Variants in KIR3DL1 observed in about 807,000 individuals in gnomAD.
The protein encoded by KIR3DL1 is killer cell immunoglobulin-like receptor 3DL1.
Under a neutral mutation model 40.3 loss-of-function variants are expected in KIR3DL1, and 50 were observed. The observed-to-expected ratio is 1.24, with a 90% CI of 0.99 to 1.57. The LOEUF is 1.57. Among genes scored for constraint, KIR3DL1 ranks in the 40% most tolerant of loss-of-function variants. The pLI is 0.00. For synonymous variants in KIR3DL1, 257 were observed against 207.2 expected (o/e 1.24, Z -2.07); for missense variants, 661 against 559.9 (o/e 1.18, Z -1.82).
At chr19:54,829,065 C>A (rs2062063505) in intron 6 of KIR3DL1, among the ~76,000 whole-genome samples, 1 of 143,754 alleles carries the variant, frequency 7.0e-6, no homozygotes, top group South Asian at 2.4e-4. Flanking sequence ...GATGGATCCA[C>A]CTCCATGACC....
At chr19:54,827,107 G>A (rs1396085461) in intron 6 of KIR3DL1, among the ~76,000 whole-genome samples, 2 of 151,594 alleles carry the variant, frequency 1.3e-5, no homozygotes, top group African/African-American at 2.4e-5. Flanking sequence ...GGATGAAGCA[G>A]ATGGATATAA....
exon 3 of KIR3DL1, chr19:54,818,490 G>A (rs761972118): frequency 2.5e-6 from 4 of 1,610,724 alleles, no homozygotes; most frequent in East Asian, 2.2e-5. Flanking sequence ...GCTTCAACAT[G>A]AGCCCTGTGA....
chr19:54,825,068 C>A, exon 6 of KIR3DL1: 1 of 1,528,554 alleles, frequency 6.5e-7, no homozygotes, highest in Non-Finnish European at 9.0e-7. Context: ...CAGAACCAAG[C>A]TCCAAATCTG....
intron 5 of KIR3DL1, 37 bp downstream of exon 5, chr19:54,821,895 C>T (rs748213805): frequency 1.3e-5 from 21 of 1,581,244 alleles, no homozygotes; most frequent in Non-Finnish European, 1.6e-5. Context: ...GTCCTATGAT[C>T]CTAAATCCTT....
At chr19:54,828,126 G>C (rs1294762061) in intron 6 of KIR3DL1, among the ~76,000 whole-genome samples, 3 of 150,810 alleles carry the variant, frequency 2.0e-5, no homozygotes, top group Non-Finnish European at 4.4e-5. Context: ...AGCCTAACAT[G>C]TGTCTCCCGA....
chr19:54,820,361 C>T (rs2061573641), intron 4 of KIR3DL1, among the ~76,000 whole-genome samples: 1 of 151,546 alleles, frequency 6.6e-6, no homozygotes, highest in South Asian at 2.1e-4. Context: ...TTTACCTCCA[C>T]AAAGTGTTCC....
exon 3 of KIR3DL1, chr19:54,818,369 G>A: frequency 6.2e-7 from 1 of 1,606,176 alleles, no homozygotes; most frequent in Non-Finnish European, 8.5e-7. Flanking sequence ...GTGCCTCGAG[G>A]AGGACACGTG....
At chr19:54,823,210 T>C (rs34409000) in intron 5 of KIR3DL1, among the ~76,000 whole-genome samples, 11,860 of 149,678 alleles carry the variant, frequency 0.079, 746 homozygotes, top group Non-Finnish European at 0.12. Context: ...AATTTTTGTA[T>C]TTTTTTAGCA....
intron 5 of KIR3DL1, among the ~76,000 whole-genome samples, chr19:54,822,721 T>A (rs1302589466): frequency 6.7e-6 from 1 of 148,388 alleles, no homozygotes; most frequent in Non-Finnish European, 1.5e-5. Context: ...TCCACCTTCA[T>A]GAGATCCACC....
intron 6 of KIR3DL1, among the ~76,000 whole-genome samples, chr19:54,826,759 C>G (rs1306492014): frequency 1.3e-5 from 2 of 148,968 alleles, no homozygotes; most frequent in African/African-American, 5.0e-5. Flanking sequence ...TTTCCACACA[C>G]AGCTGTCAGC....
intron 7 of KIR3DL1, 95 bp downstream of exon 7, chr19:54,829,560 C>A: frequency 2.7e-6 from 3 of 1,107,132 alleles, no homozygotes; most frequent in South Asian, 3.0e-5. Flanking sequence ...GCAGGATGGT[C>A]CCTGGCCCAA....
exon 9 of KIR3DL1, chr19:54,830,280 C>T (rs776998034): frequency 2.0e-6 from 3 of 1,523,436 alleles, no homozygotes; most frequent in Middle Eastern, 3.5e-4. Flanking sequence ...CCATGAGCAC[C>T]ACAGTCAGGC....
At chr19:54,821,929 A>G in intron 5 of KIR3DL1, 71 bp downstream of exon 5, 1 of 1,515,234 alleles carries the variant, frequency 6.6e-7, no homozygotes. Context: ...CCTGCTGATG[A>G]TGGAGAAAAG....
chr19:54,820,742 G>A (rs1005241841), intron 4 of KIR3DL1, among the ~76,000 whole-genome samples: 2 of 151,078 alleles, frequency 1.3e-5, no homozygotes, highest in South Asian at 2.1e-4. Flanking sequence ...AGAATGGAGA[G>A]AATGATGGAA....
In KIR3DL1 at chr19:54,818,037, C is replaced by T. The variant is rs1210828378; in HGVS notation, c.71-278C>T. Among the ~76,000 whole-genome samples the T allele has an allele frequency of 2.0e-5, 3 of 148,784 alleles. No homozygotes were observed. In the East Asian group the frequency reaches 6.0e-4, roughly 30 times the overall value. On this transcript the variant is annotated intron_variant, in intron 2 of 8. Transcript: ENST00000391728. The stretch of plus-strand genomic sequence containing the variant: ...GATATTCCATTCACATAGGACTTGC[C>T]CTCCATGCCGTGTCTACTTTGTGTT...
At chr19:54,818,680 C>T in intron 3 of KIR3DL1, 81 bp downstream of exon 3, 1 of 1,532,488 alleles carries the variant, frequency 6.5e-7, no homozygotes, top group Non-Finnish European at 8.7e-7. Context: ...CGTCAGGGTC[C>T]CATCACCCAG....
chr19:54,818,740 T>A lies in KIR3DL1; in HGVS notation c.355+141T>A, dbSNP rs527865108. 15 of 1,008,884 alleles carry A rather than the reference T, an allele frequency of 1.5e-5. 1 individual carries two copies. In the African/African-American group the frequency reaches 2.2e-4, roughly 15 times the overall value. 62.5% of individuals were successfully genotyped at this position (1,008,884 alleles called of 1,614,324 possible). ...GGAGATTGAATACAGGGGAAATGGG[T>A]GCTGTGGTGGGAAGAATCACTGTCC... On this transcript the variant is annotated intron_variant, in intron 3 of 8. Transcript: ENST00000391728.
chr19:54,821,614 G>A, exon 5 of KIR3DL1: 2 of 1,608,744 alleles, frequency 1.2e-6, no homozygotes, highest in Non-Finnish European at 1.7e-6. Flanking sequence ...CCAAGGTTCA[G>A]GCAGGAGAGA....
At chr19:54,821,929 A>T in intron 5 of KIR3DL1, 71 bp downstream of exon 5, 1 of 1,515,234 alleles carries the variant, frequency 6.6e-7, no homozygotes, top group Non-Finnish European at 9.0e-7. Context: ...CCTGCTGATG[A>T]TGGAGAAAAG....
Sources: allele counts gnomAD v4.1 joint callset (sites outside exome capture counted in the v4.1 genomes callset), GRCh38; gene constraint gnomAD v4.1.1; transcripts MANE v1.5; gene names NCBI Gene and HGNC (gene_info 2026-07-23, HGNC 2026-07-21).